POU6F2: variants seen among roughly 807,000 people sequenced by gnomAD.
The protein encoded by POU6F2 is POU class 6 homeobox 2.
In POU6F2, 31 loss-of-function variants were observed where a neutral mutation model predicts 71.3. The observed-to-expected ratio is 0.43, with a 90% CI of 0.33 to 0.59. The LOEUF (loss-of-function observed/expected upper bound fraction) is 0.59, where lower values mean the gene tolerates loss of function less well. Ranked by LOEUF, POU6F2 falls within the 20% of genes least tolerant of loss-of-function variation. POU6F2 has a pLI of 0.04. For missense variants in POU6F2, 783 were observed against 856.8 expected, an observed-to-expected ratio of 0.91 and a Z score of 1.07; for synonymous variants, 347 against 355.7, an observed-to-expected ratio of 0.98 and a Z score of 0.27.
chr7:39,259,722 G>C (rs1784094522), intron 4 of POU6F2, among the ~76,000 whole-genome samples: 1 of 152,082 alleles, frequency 6.6e-6, no homozygotes, highest in Non-Finnish European at 1.5e-5. Context: ...GGCTGCTCCA[G>C]ATTCTCTCTC....
At chr7:39,245,118 T>A (rs889966180) in intron 4 of POU6F2, among the ~76,000 whole-genome samples, 2 of 152,208 alleles carry the variant, frequency 1.3e-5, no homozygotes, top group Non-Finnish European at 2.9e-5. Flanking sequence ...TGAGTTACCA[T>A]CAAGCAAAGC....
intron 1 of POU6F2, among the ~76,000 whole-genome samples, chr7:38,996,133 T>A (rs550278914): frequency 6.5e-4 from 95 of 145,868 alleles, no homozygotes; most frequent in Admixed American, 3.0e-3. Flanking sequence ...TCCACCTCCC[T>A]GGTTCAAGCG....
intron 4 of POU6F2, among the ~76,000 whole-genome samples, chr7:39,278,295 T>A (rs1409684098): frequency 6.6e-6 from 1 of 152,132 alleles, no homozygotes; most frequent in Non-Finnish European, 1.5e-5. Context: ...GCTCTTTCCA[T>A]AGATCCAGGC....
chr7:39,174,159 G>A (rs1793281458), intron 2 of POU6F2, among the ~76,000 whole-genome samples: 1 of 152,180 alleles, frequency 6.6e-6, no homozygotes, highest in Non-Finnish European at 1.5e-5. Context: ...TCTTTAAGCA[G>A]GAAGACACCG....
At chr7:39,192,738 C>T (rs896972269) in intron 2 of POU6F2, among the ~76,000 whole-genome samples, 4 of 152,104 alleles carry the variant, frequency 2.6e-5, no homozygotes, top group East Asian at 1.9e-4. Flanking sequence ...CACATTCTCA[C>T]GCCTCCCCCT....
At position 39,271,819 on chromosome 7, in the gene POU6F2, ATTCT is replaced by A. The variant is rs1583488217; in HGVS notation, c.598+64202_598+64205del. Among the ~76,000 whole-genome samples the A allele has an allele frequency of 6.6e-5, 10 of 150,776 alleles. 1 individual carries two copies. The East Asian group carries it at 1.9e-3, about 29-fold the overall frequency. On this transcript the variant is annotated intron_variant, in intron 4 of 9. Transcript: ENST00000518318. The stretch of plus-strand genomic sequence containing the variant: ...TTCAAATCGTCATTCAACTTATTTT[ATTCT>A]TTATTTTTAAACTATAAAAAAAAAA...
At chr7:39,307,730 C>G (rs1286108461) in intron 4 of POU6F2, among the ~76,000 whole-genome samples, 1 of 152,134 alleles carries the variant, frequency 6.6e-6, no homozygotes, top group Non-Finnish European at 1.5e-5. Flanking sequence ...GTAATCCCAG[C>G]ATTTTGGGAG....
At position 39,339,662 on chromosome 7, in the gene POU6F2, C is replaced by T. The variant is rs1037723269; in HGVS notation, c.619C>T (p.Gln207Ter). 1 of 1,597,076 alleles carries T rather than the reference C, an allele frequency of 6.3e-7. No individual in the cohort carries two copies. The highest frequency in any genetic ancestry group is 8.5e-7 in the Non-Finnish European group (1 of 1,176,554). The change falls in exon 5 of 10, where the codon CAG becomes TAG. Residue 207 changes from glutamine (Q) to a stop codon, truncating the protein, a stop_gained. Transcript: ENST00000518318. LOFTEE classifies it high-confidence loss of function. The stretch of plus-strand genomic sequence containing the variant: ...TGTAGCTACCTCATCCCTGAACTCC[C>T]AGCTCCAGCAGCTCCAGCTCCAGCT... ...NLQATSSLNS[Q>*]LQQLQLQLQQ...
At chr7:38,993,581 C>G (rs1251780763) in intron 1 of POU6F2, among the ~76,000 whole-genome samples, 1 of 98,918 alleles carries the variant, frequency 1.0e-5, no homozygotes, top group African/African-American at 3.5e-5. Flanking sequence ...TGACACTGAT[C>G]AACACTGATA....
chr7:39,053,700 T>G (rs1790446160), intron 1 of POU6F2, among the ~76,000 whole-genome samples: 1 of 152,070 alleles, frequency 6.6e-6, no homozygotes, highest in African/African-American at 2.4e-5. Context: ...TTCTGGGGGT[T>G]TTAGAAACTT....
At chr7:39,375,461 C>T (rs1362798282) in intron 5 of POU6F2, among the ~76,000 whole-genome samples, 2 of 152,048 alleles carry the variant, frequency 1.3e-5, no homozygotes, top group Non-Finnish European at 2.9e-5. Context: ...TCCCTGAAGC[C>T]GTGGGAGTCC....
chr7:38,984,803 T>C (rs533945932), intron 1 of POU6F2: 1 of 152,172 alleles, frequency 6.6e-6, no homozygotes, highest in Non-Finnish European at 1.5e-5. Flanking sequence ...TTTAAAACTA[T>C]TTTTAGAAGA....
chr7:39,145,084 A>G (rs1001553869), intron 2 of POU6F2, among the ~76,000 whole-genome samples: 3 of 152,188 alleles, frequency 2.0e-5, no homozygotes, highest in African/African-American at 7.2e-5. Context: ...CCTTCTTCAG[A>G]TTTCTCTCTC....
chr7:39,465,385 C>A lies in POU6F2; in HGVS notation c.*699C>A, dbSNP rs1171152272. ...GGTGGGTACCATTGTTGAAGCCATT[C>A]TGTGAGGCTCACTATTGGGTTTTTT... is the stretch of plus-strand genomic sequence containing the variant. On this transcript the variant is annotated 3_prime_UTR_variant, in exon 10 of 10. Coordinates refer to ENST00000518318, the MANE Select transcript of POU6F2 (RefSeq NM_001370959.1). 8 of 152,332 alleles carry A rather than the reference C, an allele frequency of 5.3e-5. No individual in the cohort carries two copies. The East Asian group carries it at 9.6e-4, about 18-fold the overall frequency. 9.4% of individuals were successfully genotyped at this position (152,332 alleles called of 1,614,324 possible). A position where few individuals can be genotyped will look rare whatever the true frequency, so the allele number is the denominator to read the frequency against.
chr7:39,128,681 G>A (rs112503449), intron 2 of POU6F2, among the ~76,000 whole-genome samples: 7,471 of 152,252 alleles, frequency 0.049, 268 homozygotes, highest in Non-Finnish European at 0.073. Flanking sequence ...CTTATTCAAT[G>A]TGTTTATTGC....
chr7:39,163,330 T>C (rs1203846065), intron 2 of POU6F2, among the ~76,000 whole-genome samples: 1 of 152,214 alleles, frequency 6.6e-6, no homozygotes, highest in Admixed American at 6.5e-5. Flanking sequence ...CTATGAAAAT[T>C]GTGGAGAAGT....
At chr7:39,374,266 A>G (rs1786668583) in intron 5 of POU6F2, among the ~76,000 whole-genome samples, 1 of 152,356 alleles carries the variant, frequency 6.6e-6, no homozygotes. Flanking sequence ...GAGAACGTAC[A>G]CAAGCTTGTG....
intron 1 of POU6F2, among the ~76,000 whole-genome samples, chr7:39,038,350 G>A (rs535967257): frequency 6.6e-6 from 1 of 152,002 alleles, no homozygotes; most frequent in Non-Finnish European, 1.5e-5. Flanking sequence ...TATTTCTAAG[G>A]AATTTAAACA....
intron 5 of POU6F2, among the ~76,000 whole-genome samples, chr7:39,390,511 T>G (rs1562812571): frequency 6.6e-6 from 1 of 152,214 alleles, no homozygotes; most frequent in Non-Finnish European, 1.5e-5. Context: ...TCAATAAATC[T>G]TAACCAATTT....
Sources: allele counts gnomAD v4.1 joint callset (sites outside exome capture counted in the v4.1 genomes callset), GRCh38; gene constraint gnomAD v4.1.1; transcripts MANE v1.5; gene names NCBI Gene and HGNC (gene_info 2026-07-23, HGNC 2026-07-21).